COX10: variants seen among roughly 807,000 people sequenced by gnomAD.
COX10 encodes the protein protoheme IX farnesyltransferase, mitochondrial.
In COX10, 27 loss-of-function variants were observed where a neutral mutation model predicts 37.3. The ratio of observed to expected loss-of-function variants is 0.72; its 90% CI spans 0.53 to 1.00. The LOEUF is 1.00. Among genes scored for constraint, COX10 ranks in the 50% least tolerant of loss-of-function variants. The pLI is 0.00. For missense variants in COX10, 475 were observed against 563.2 expected (o/e 0.84, Z 1.59); for synonymous variants, 222 against 229.1 (o/e 0.97, Z 0.28).
At chr17:14,206,593 TGA>T (rs996948280) in intron 6 of COX10, among the ~76,000 whole-genome samples, 1 of 152,002 alleles carries the variant, frequency 6.6e-6, no homozygotes, top group Non-Finnish European at 1.5e-5. Context: ...CACCCCCAGG[TGA>T]GAAAGGAGGG....
chr17:14,160,097 A>G, intron 5 of COX10, 150 bp downstream of exon 5: 2 of 741,204 alleles, frequency 2.7e-6, no homozygotes, highest in Non-Finnish European at 2.3e-6. Context: ...AATACTTTCC[A>G]CCTCTAACCA....
At position 14,206,797 on chromosome 17, in the gene COX10, G is replaced by GACC. The variant is rs761802668; in HGVS notation, c.929-12_929-10dup. On this transcript the variant is annotated splice_polypyrimidine_tract_variant and intron_variant, in intron 6 of 6. Coordinates refer to ENST00000261643, the MANE Select transcript of COX10 (RefSeq NM_001303.4). ...TGCCTTTGTCTCCCTCTCCTTCCCTGACCCCCGCACAGGCGCATTTCTCCT... is the reference window on the plus strand; with the variant it reads ...TGCCTTTGTCTCCCTCTCCTTCCCTGACCACCCCCGCACAGGCGCATTTCTCCT... 6.9e-6 allele frequency: 11 copies of GACC among 1,596,668 alleles called. No homozygotes were observed. The South Asian group carries it at 1.0e-4, about 14-fold the overall frequency.
intron 4 of COX10, among the ~76,000 whole-genome samples, chr17:14,143,302 A>G (rs755505229): frequency 3.2e-4 from 48 of 152,056 alleles, no homozygotes; most frequent in African/African-American, 9.7e-4. Flanking sequence ...TATCATTCCA[A>G]TTTCTTCCAT....
chr17:14,207,211 T>A lies in COX10; in HGVS notation c.1330T>A (p.Ter444ArgextTer45), dbSNP rs761497533. The change falls in exon 7 of 7, where the codon TGA becomes AGA. Residue 444 changes from the stop codon to arginine, a stop_lost. Transcript: ENST00000261643. ...CGGGGACGCAGGGCCCCCTCCCAGC[T>A]GAGAGCACTGGGACGCCCACCGCCC... ...GGGDAGPPPS[*>R] is the part of the protein sequence containing the mutation. The A allele has an allele frequency of 6.3e-7, 1 of 1,590,268 alleles. No individual in the cohort carries two copies. The highest frequency in any genetic ancestry group is 8.5e-7 in the Non-Finnish European group (1 of 1,171,468).
chr17:14,084,896 G>A (rs1209614702), intron 3 of COX10, among the ~76,000 whole-genome samples: 2 of 152,120 alleles, frequency 1.3e-5, no homozygotes, highest in Non-Finnish European at 1.5e-5. Context: ...CTGACCTCAG[G>A]TGATCCACCT....
chr17:14,158,145 A>C (rs985024398), intron 4 of COX10, among the ~76,000 whole-genome samples: 1 of 152,138 alleles, frequency 6.6e-6, no homozygotes, highest in African/African-American at 2.4e-5. Flanking sequence ...TTTGTGAGTG[A>C]AGTGACTATA....
intron 5 of COX10, chr17:14,179,349 A>G: frequency 3.8e-6 from 1 of 262,076 alleles, no homozygotes; most frequent in Non-Finnish European, 5.9e-6. Flanking sequence ...TTTCTTAAAG[A>G]TGTCAAGGCC....
intron 1 of COX10, among the ~76,000 whole-genome samples, chr17:14,071,931 A>G (rs915708356): frequency 1.3e-5 from 2 of 151,930 alleles, no homozygotes; most frequent in Non-Finnish European, 2.9e-5. Context: ...AAATGTCAGC[A>G]TTTTTTAGCT....
chr17:14,106,890 T>G (rs1915904354), intron 4 of COX10, among the ~76,000 whole-genome samples: 1 of 152,190 alleles, frequency 6.6e-6, no homozygotes, highest in Non-Finnish European at 1.5e-5. Flanking sequence ...GGTGCAAATA[T>G]TTTCTTCAGT....
intron 3 of COX10, among the ~76,000 whole-genome samples, chr17:14,085,322 A>T (rs964905169): frequency 1.3e-5 from 2 of 152,138 alleles, no homozygotes; most frequent in African/African-American, 4.8e-5. Context: ...TGTTTTGTTT[A>T]GTTATTTGCT....
intron 4 of COX10, among the ~76,000 whole-genome samples, chr17:14,151,201 T>G (rs1034495521): frequency 1.3e-5 from 2 of 152,190 alleles, no homozygotes; most frequent in Non-Finnish European, 2.9e-5. Context: ...ACCAATGCAG[T>G]AAGCCTAACT....
rs918016002 is a variant in COX10, at chr17:14,151,074, A to G, written c.625-8803A>G. On this transcript the variant is annotated intron_variant, in intron 4 of 6. Transcript: ENST00000261643. ...AATTATTATAAAGCACAGGAAAAAA[A>G]AAATGAGTAGGCTAAAGCCAGCTGT... 5.9e-5 allele frequency among the ~76,000 whole-genome samples: 9 copies of G among 152,336 alleles called. No individual in the cohort carries two copies. In the East Asian group the frequency reaches 1.7e-3, roughly 29 times the overall value.
At chr17:14,183,990 T>C (rs1217948627) in intron 5 of COX10, among the ~76,000 whole-genome samples, 5 of 152,266 alleles carry the variant, frequency 3.3e-5, no homozygotes, top group Admixed American at 2.6e-4. Flanking sequence ...AAGTCAACAC[T>C]ATGTGCTCAT....
intron 3 of COX10, among the ~76,000 whole-genome samples, chr17:14,097,216 C>G (rs1481979240): frequency 6.6e-6 from 1 of 152,024 alleles, no homozygotes; most frequent in Non-Finnish European, 1.5e-5. Context: ...GAGAAAATCG[C>G]TTTGGTCAAT....
intron 5 of COX10, among the ~76,000 whole-genome samples, chr17:14,168,830 C>T (rs557734603): frequency 1.3e-5 from 2 of 152,350 alleles, no homozygotes; most frequent in Admixed American, 6.5e-5. Context: ...GCCTCTGGGC[C>T]TGTGATGGGA....
chr17:14,203,669 T>C lies in COX10; in HGVS notation c.929-3141T>C, dbSNP rs546699848. On this transcript the variant is annotated intron_variant, in intron 6 of 6. Transcript: ENST00000261643. ...GGTTCCTTCTCATGCTCACTGTCAT[T>C]TGCACAAACTGGGGCCCCTCAGTGG... Among the ~76,000 whole-genome samples, 10 of 152,290 alleles carry C rather than the reference T, an allele frequency of 6.6e-5. No homozygotes were observed. The South Asian group carries it at 2.1e-3, about 32-fold the overall frequency.
chr17:14,208,540 T>C lies in COX10; in HGVS notation c.*1327T>C, dbSNP rs1906777319. 2.0e-5 allele frequency: 3 copies of C among 152,354 alleles called. No individual in the cohort carries two copies. In the South Asian group the frequency reaches 6.2e-4, roughly 32 times the overall value. 9.4% of individuals were successfully genotyped at this position (152,354 alleles called of 1,614,324 possible). A position where few individuals can be genotyped will look rare whatever the true frequency, so the allele number is the denominator to read the frequency against. ...TTGCACTTATCTGAAATCTTCCCTC[T>C]TGGCTGCCCCCAGGTATTTACTGTG... On this transcript the variant is annotated 3_prime_UTR_variant, in exon 7 of 7. Coordinates refer to ENST00000261643, the MANE Select transcript of COX10 (RefSeq NM_001303.4).
At chr17:14,155,930 A>G (rs1040957095) in intron 4 of COX10, among the ~76,000 whole-genome samples, 15 of 152,030 alleles carry the variant, frequency 9.9e-5, no homozygotes, top group African/African-American at 3.6e-4. Flanking sequence ...AGTGGCAGTC[A>G]TAGGGATCAA....
At chr17:14,181,885 C>G (rs1905870654) in intron 5 of COX10, 1 of 630,292 alleles carries the variant, frequency 1.6e-6, no homozygotes, top group African/African-American at 2.0e-5. Context: ...GTACAAATTA[C>G]CCTTAATTTA....
Sources: allele counts gnomAD v4.1 joint callset (sites outside exome capture counted in the v4.1 genomes callset), GRCh38; gene constraint gnomAD v4.1.1; transcripts MANE v1.5; gene names NCBI Gene and HGNC (gene_info 2026-07-23, HGNC 2026-07-21).